ZNF148: variants seen among roughly 807,000 people sequenced by gnomAD.
ZNF148 encodes Beta-Enolase Repressor Factor-1.
ZNF148 carries 7 observed loss-of-function variants against 67.7 expected under a neutral mutation model. The observed-to-expected ratio is 0.10, with a 90% CI of 0.06 to 0.19. The LOEUF (loss-of-function observed/expected upper bound fraction) is 0.19, where lower values mean the gene tolerates loss of function less well. Ranked by LOEUF, ZNF148 falls within the 10% of genes least tolerant of loss-of-function variation. The pLI, the probability that ZNF148 is intolerant of heterozygous loss-of-function variation, is 1.00. For missense variants in ZNF148, 583 were observed against 947.1 expected, an observed-to-expected ratio of 0.62 and a Z score of 5.05; for synonymous variants, 333 against 330.7, an observed-to-expected ratio of 1.01 and a Z score of -0.08.
intron 1 of ZNF148, among the ~76,000 whole-genome samples, chr3:125,343,108 C>G (rs966791776): frequency 1.3e-5 from 2 of 152,270 alleles, no homozygotes; most frequent in Admixed American, 1.3e-4. Flanking sequence ...GTAGAAGATT[C>G]ATCCTGGCAA....
chr3:125,252,135 T>C (rs1936866028), intron 7 of ZNF148, among the ~76,000 whole-genome samples: 1 of 152,222 alleles, frequency 6.6e-6, no homozygotes, highest in African/African-American at 2.4e-5. Context: ...TTCTACTAGC[T>C]TGTCCTTTAA....
intron 1 of ZNF148, among the ~76,000 whole-genome samples, chr3:125,351,071 G>C (rs73195485): frequency 0.029 from 4,432 of 152,132 alleles, 150 homozygotes; most frequent in East Asian, 0.14. Context: ...GCTGGGTGTG[G>C]TGGCCCACAC....
At chr3:125,304,347 G>T (rs1939758416) in intron 4 of ZNF148, among the ~76,000 whole-genome samples, 1 of 152,126 alleles carries the variant, frequency 6.6e-6, no homozygotes, top group Non-Finnish European at 1.5e-5. Context: ...GCTAAGTGGG[G>T]TGAAGAAAGT....
intron 3 of ZNF148, among the ~76,000 whole-genome samples, chr3:125,317,662 T>TATATAGAGAG (rs752542874): frequency 5.6e-5 from 5 of 90,032 alleles, no homozygotes; most frequent in African/African-American, 1.8e-4. Context: ...TATATATATA[T>TATATAGAGAG]AGAGAGAGAG....
chr3:125,326,836 G>A (rs1941047857), intron 2 of ZNF148, among the ~76,000 whole-genome samples: 1 of 143,696 alleles, frequency 7.0e-6, no homozygotes, highest in South Asian at 2.1e-4. Context: ...TTTTATATAT[G>A]TATACAGATA....
intron 1 of ZNF148, among the ~76,000 whole-genome samples, chr3:125,368,075 T>C (rs1250544113): frequency 6.6e-6 from 1 of 152,238 alleles, no homozygotes; most frequent in Admixed American, 6.5e-5. Flanking sequence ...AATATAAGTA[T>C]GGTTCACTTA....
At chr3:125,261,827 T>TA (rs1560122355) in intron 7 of ZNF148, among the ~76,000 whole-genome samples, 50 of 146,048 alleles carry the variant, frequency 3.4e-4, no homozygotes, top group African/African-American at 1.2e-3. Context: ...GTTGACAAGT[T>TA]TTTTTTTTTT....
At position 125,322,074 on chromosome 3, in the gene ZNF148, G is replaced by A. The variant is rs1027287458; in HGVS notation, c.-17+1235C>T. Among the ~76,000 whole-genome samples, 4 of 121,156 alleles carry A rather than the reference G, an allele frequency of 3.3e-5. No individual in the cohort carries two copies. The East Asian group carries it at 7.0e-4, about 21-fold the overall frequency. The allele number at this position is 121,156 out of a possible 152,430, so 79.5% of individuals were successfully genotyped here. A position where few individuals can be genotyped will look rare whatever the true frequency, so the allele number is the denominator to read the frequency against. Reference sequence around the variant, plus strand: ...TGAGAGAGAGTCTCGCTCTCACCCAGGCTGGAGTGCAGTGGTGCCATCTCA... The same window carrying A: ...TGAGAGAGAGTCTCGCTCTCACCCAAGCTGGAGTGCAGTGGTGCCATCTCA... On this transcript the variant is annotated intron_variant, in intron 3 of 8. Transcript: ENST00000360647.
intron 1 of ZNF148, among the ~76,000 whole-genome samples, chr3:125,369,474 C>A (rs1579922849): frequency 6.8e-6 from 1 of 146,812 alleles, no homozygotes; most frequent in African/African-American, 2.5e-5. Flanking sequence ...CCTTTATAGA[C>A]CCCTTCCCCC....
At chr3:125,346,458 C>A (rs939712241) in intron 1 of ZNF148, among the ~76,000 whole-genome samples, 1 of 152,174 alleles carries the variant, frequency 6.6e-6, no homozygotes, top group Non-Finnish European at 1.5e-5. Flanking sequence ...AGTAGAGGTT[C>A]TAGCAAGGTA....
chr3:125,237,522 TAG>T (rs1428076355), intron 7 of ZNF148, among the ~76,000 whole-genome samples: 2 of 151,914 alleles, frequency 1.3e-5, no homozygotes, highest in Non-Finnish European at 2.9e-5. Context: ...GTGAAGGTTG[TAG>T]AGAGCCAAGA....
intron 1 of ZNF148, among the ~76,000 whole-genome samples, chr3:125,361,965 A>G (rs759449386): frequency 6.6e-6 from 1 of 152,068 alleles, no homozygotes; most frequent in Non-Finnish European, 1.5e-5. Flanking sequence ...TTGTCTCCCT[A>G]TATAATTTAA....
In ZNF148 at chr3:125,285,891, TATAA is replaced by T. The variant is rs372789314; in HGVS notation, c.459+2208_459+2211del. On this transcript the variant is annotated intron_variant, in intron 5 of 8. Transcript: ENST00000360647. Reference sequence around the variant, plus strand: ...TTAGAAATATTCTAAAATGATACATTATAAATGAGTTTATCGCAAATTAGACAAG... The same window carrying T: ...TTAGAAATATTCTAAAATGATACATTATGAGTTTATCGCAAATTAGACAAG... Among the ~76,000 whole-genome samples the T allele has an allele frequency of 6.5e-4, 99 of 152,312 alleles. 1 individual carries two copies. In the East Asian group the frequency reaches 0.018, roughly 28 times the overall value.
intron 1 of ZNF148, among the ~76,000 whole-genome samples, chr3:125,373,706 C>A (rs1241057159): frequency 6.6e-6 from 1 of 152,168 alleles, no homozygotes; most frequent in Non-Finnish European, 1.5e-5. Flanking sequence ...TCTTCAATGC[C>A]ATCATGCCTG....
At chr3:125,340,794 G>C (rs187738616) in intron 1 of ZNF148, among the ~76,000 whole-genome samples, 23 of 151,650 alleles carry the variant, frequency 1.5e-4, no homozygotes, top group Admixed American at 1.4e-3. Context: ...AGACCATCCC[G>C]GCTAAAACGG....
chr3:125,315,430 C>T (rs1053384435), intron 3 of ZNF148, among the ~76,000 whole-genome samples: 2 of 151,492 alleles, frequency 1.3e-5, no homozygotes, highest in Non-Finnish European at 2.9e-5. Context: ...AAACATTGGC[C>T]GGGTGCAGTG....
chr3:125,358,130 G>C (rs1266729930), intron 1 of ZNF148, among the ~76,000 whole-genome samples: 2 of 152,104 alleles, frequency 1.3e-5, no homozygotes, highest in Admixed American at 1.3e-4. Context: ...TATCCAAAAT[G>C]GTGAAACCTC....
intron 7 of ZNF148, among the ~76,000 whole-genome samples, chr3:125,269,618 A>G (rs905630663): frequency 6.6e-6 from 1 of 152,190 alleles, no homozygotes; most frequent in African/African-American, 2.4e-5. Flanking sequence ...TACATACCCA[A>G]AGGAAAAAAA....
chr3:125,353,709 T>TGAAC (rs1420467821), intron 1 of ZNF148, among the ~76,000 whole-genome samples: 16 of 151,738 alleles, frequency 1.1e-4, no homozygotes, highest in Admixed American at 3.3e-4. Flanking sequence ...CCTGCCTTGG[T>TGAAC]CTCCCATAGT....
Sources: allele counts gnomAD v4.1 joint callset (sites outside exome capture counted in the v4.1 genomes callset), GRCh38; gene constraint gnomAD v4.1.1; transcripts MANE v1.5; gene names NCBI Gene and HGNC (gene_info 2026-07-23, HGNC 2026-07-21).